CNTN1: variants seen among roughly 807,000 people sequenced by gnomAD.
CNTN1 encodes the protein contactin 1, also known as contactin-1.
Under a neutral mutation model 126.4 loss-of-function variants are expected in CNTN1, and 38 were observed. That is an observed-to-expected ratio of 0.30 (90% CI 0.23 to 0.39). CNTN1 has a LOEUF of 0.39. Among genes scored for constraint, CNTN1 ranks in the 10% least tolerant of loss-of-function variants. The probability of loss-of-function intolerance (pLI) is 1.00; values close to 1 mark genes in which losing one functional copy is unlikely to be tolerated. For missense variants in CNTN1, 1,009 were observed against 1,248.4 expected (o/e 0.81, Z 2.89); for synonymous variants, 413 against 422.6 (o/e 0.98, Z 0.28).
chr12:40,956,067 A>C (rs1287443470), intron 14 of CNTN1, among the ~76,000 whole-genome samples: 1 of 152,138 alleles, frequency 6.6e-6, no homozygotes, highest in Non-Finnish European at 1.5e-5. Context: ...AAATGCTGTC[A>C]CTGTCATGGG....
intron 23 of CNTN1, among the ~76,000 whole-genome samples, chr12:41,052,798 T>C (rs1283423831): frequency 2.0e-5 from 3 of 152,096 alleles, no homozygotes; most frequent in Non-Finnish European, 4.4e-5. Context: ...AACATTTATT[T>C]ATCCTCAAGA....
chr12:40,693,394 C>T (rs1355419463), intron 1 of CNTN1, among the ~76,000 whole-genome samples: 1 of 152,152 alleles, frequency 6.6e-6, no homozygotes, highest in African/African-American at 2.4e-5. Flanking sequence ...CTCCGAGCGG[C>T]TGCGAGGCTG....
intron 17 of CNTN1, among the ~76,000 whole-genome samples, chr12:40,998,918 A>G (rs1360543382): frequency 6.6e-6 from 1 of 152,190 alleles, no homozygotes; most frequent in African/African-American, 2.4e-5. Flanking sequence ...GTTATAATTA[A>G]CAAGAATTAA....
At chr12:40,972,131 G>C (rs2137048452) in intron 15 of CNTN1, 1 of 985,304 alleles carries the variant, frequency 1.0e-6, no homozygotes, top group Non-Finnish European at 1.2e-6. Flanking sequence ...GATAGCATGT[G>C]GGGGAAACCC....
intron 23 of CNTN1, among the ~76,000 whole-genome samples, chr12:41,067,393 T>A (rs2121150493): frequency 6.6e-6 from 1 of 152,256 alleles, no homozygotes; most frequent in East Asian, 1.9e-4. Flanking sequence ...TTCAGCCAAG[T>A]ACATAAACAT....
chr12:40,711,455 G>A lies in CNTN1; in HGVS notation c.-77+18863G>A, dbSNP rs145082894. ...CCTTCACATTTTTAGGGACCTCACT[G>A]TATTCATTATCACTTCTTCCTTGTA... On this transcript the variant is annotated intron_variant, in intron 1 of 23. Transcript: ENST00000551295. 2.8e-4 allele frequency among the ~76,000 whole-genome samples: 42 copies of A among 152,188 alleles called. 2 individuals carry two copies. The East Asian group carries it at 7.7e-3, about 28-fold the overall frequency.
intron 2 of CNTN1, among the ~76,000 whole-genome samples, chr12:40,909,561 A>G (rs559444079): frequency 4.6e-5 from 7 of 151,940 alleles, no homozygotes; most frequent in South Asian, 2.1e-4. Context: ...CATCATTATT[A>G]AGAACATAAA....
At chr12:40,951,886 G>A (rs1057480394) in intron 14 of CNTN1, among the ~76,000 whole-genome samples, 22 of 151,836 alleles carry the variant, frequency 1.4e-4, no homozygotes, top group African/African-American at 5.1e-4. Context: ...TTTTTCAAGT[G>A]TTCAGTCCTA....
chr12:40,884,078 A>T (rs963429993), intron 1 of CNTN1, among the ~76,000 whole-genome samples: 2 of 151,554 alleles, frequency 1.3e-5, no homozygotes, highest in Non-Finnish European at 3.0e-5. Context: ...CTAAATACTC[A>T]AGGCATGTTG....
Position 40,724,702 on chromosome 12 carries a change from T to A in CNTN1, c.-77+32110T>A, listed in dbSNP as rs149174062. Among the ~76,000 whole-genome samples the A allele has an allele frequency of 1.6e-4, 25 of 152,300 alleles. No homozygotes were observed. The East Asian group carries it at 4.8e-3, about 29-fold the overall frequency. Reference sequence around the variant, plus strand: ...TAGTAATATTTAAAATAAGACAGTATAGATTTATACATTGTTTACTACAAC... The same window carrying A: ...TAGTAATATTTAAAATAAGACAGTAAAGATTTATACATTGTTTACTACAAC... On this transcript the variant is annotated intron_variant, in intron 1 of 23. Coordinates refer to ENST00000551295, the MANE Select transcript of CNTN1 (RefSeq NM_001843.4).
chr12:40,924,510 C>T lies in CNTN1; in HGVS notation c.401-47C>T, dbSNP rs992632730. The T allele has an allele frequency of 6.1e-6, 6 of 980,370 alleles. No individual in the cohort carries two copies. The East Asian group carries it at 1.0e-4, about 16-fold the overall frequency. 60.7% of individuals were successfully genotyped at this position (980,370 alleles called of 1,614,324 possible). The stretch of plus-strand genomic sequence containing the variant: ...GTAAAATTGATGAATGTCTCTCTTT[C>T]TATTGACCAGAGAGTGAATGTTTCT... On this transcript the variant is annotated intron_variant, in intron 5 of 23. Coordinates refer to ENST00000551295, the MANE Select transcript of CNTN1 (RefSeq NM_001843.4).
At chr12:40,812,019 AG>A (rs1474882526) in intron 1 of CNTN1, among the ~76,000 whole-genome samples, 1 of 150,724 alleles carries the variant, frequency 6.6e-6, no homozygotes, top group African/African-American at 2.4e-5. Flanking sequence ...TTTTTAATGT[AG>A]ACATTTATTG....
chr12:40,796,768 G>T (rs1940447999), intron 1 of CNTN1, among the ~76,000 whole-genome samples: 1 of 152,044 alleles, frequency 6.6e-6, no homozygotes. Flanking sequence ...GTGAAAATGA[G>T]TTCGGACAAA....
chr12:41,023,556 T>C (rs1322666305), intron 20 of CNTN1, among the ~76,000 whole-genome samples: 1 of 152,194 alleles, frequency 6.6e-6, no homozygotes, highest in East Asian at 1.9e-4. Flanking sequence ...GCTCACACAG[T>C]GGGTAAAATA....
At chr12:40,766,287 G>A (rs1395260949) in intron 1 of CNTN1, among the ~76,000 whole-genome samples, 2 of 151,142 alleles carry the variant, frequency 1.3e-5, no homozygotes, top group Non-Finnish European at 2.9e-5. Flanking sequence ...AACCCGGGAA[G>A]TGGTGGTTTC....
At chr12:40,822,955 G>A (rs779851702) in intron 1 of CNTN1, among the ~76,000 whole-genome samples, 3 of 151,960 alleles carry the variant, frequency 2.0e-5, no homozygotes, top group Non-Finnish European at 4.4e-5. Context: ...TTATGTCCAC[G>A]TGTACCCAAT....
chr12:40,895,259 T>G (rs952905759), intron 1 of CNTN1, among the ~76,000 whole-genome samples: 1 of 152,218 alleles, frequency 6.6e-6, no homozygotes, highest in African/African-American at 2.4e-5. Flanking sequence ...CCTAAATAGA[T>G]AACCACAATT....
intron 1 of CNTN1, among the ~76,000 whole-genome samples, chr12:40,845,316 A>G (rs974105310): frequency 1.3e-5 from 2 of 152,236 alleles, no homozygotes; most frequent in Non-Finnish European, 2.9e-5. Flanking sequence ...GCAGATATAT[A>G]ATAGATACTA....
intron 1 of CNTN1, among the ~76,000 whole-genome samples, chr12:40,748,527 A>C (rs1022886824): frequency 6.6e-6 from 1 of 152,124 alleles, no homozygotes; most frequent in African/African-American, 2.4e-5. Flanking sequence ...ATATTCTCAG[A>C]ATATTTATTT....
Sources: allele counts gnomAD v4.1 joint callset (sites outside exome capture counted in the v4.1 genomes callset), GRCh38; gene constraint gnomAD v4.1.1; transcripts MANE v1.5; gene names NCBI Gene and HGNC (gene_info 2026-07-23, HGNC 2026-07-21).